CDC37: variants seen among roughly 807,000 people sequenced by gnomAD.
CDC37 encodes hsp90 co-chaperone Cdc37.
In CDC37, 9 loss-of-function variants were observed where a neutral mutation model predicts 46.9. That is an observed-to-expected ratio of 0.19 (90% CI 0.12 to 0.33). The LOEUF (loss-of-function observed/expected upper bound fraction) is 0.33, where lower values mean the gene tolerates loss of function less well. CDC37 is among the 10% of genes least tolerant of loss of function. The pLI is 1.00. For synonymous variants in CDC37, 193 were observed against 191.0 expected (o/e 1.01, Z -0.09); for missense variants, 388 against 514.6 (o/e 0.75, Z 2.38).
chr19:10,392,397 T>C (rs2042462198), intron 7 of CDC37, among the ~76,000 whole-genome samples: 1 of 152,148 alleles, frequency 6.6e-6, no homozygotes, highest in East Asian at 1.9e-4. Flanking sequence ...TAGAAGCTTC[T>C]AGAAACTCAG....
rs770538573 is a variant in CDC37 at position 10,395,331 on chromosome 19, C to T, written c.500G>A (p.Arg167His). 6.8e-6 allele frequency: 11 copies of T among 1,613,952 alleles called. No individual in the cohort carries two copies. The highest frequency in any genetic ancestry group is 5.0e-5 in the Admixed American group (3 of 60,002). Residue 167 changes from arginine to histidine, a missense_variant, in exon 4 of 8, where the codon CGC (arginine) becomes CAC (histidine). Transcript: ENST00000222005. The stretch of plus-strand genomic sequence containing the variant: ...CAGGTACTTTTGGCTGTCATCCCAG[C>T]GGCGAAGCATGCCTGTGGGAAGATG... ...KQIKHFGMLR[R>H]WDDSQKYLSD...
chr19:10,401,726 A>G (rs2042519582), intron 1 of CDC37, among the ~76,000 whole-genome samples: 1 of 152,162 alleles, frequency 6.6e-6, no homozygotes, highest in Non-Finnish European at 1.5e-5. Flanking sequence ...CTAATGCCGT[A>G]TTCCAGAGTA....
At position 10,393,238 on chromosome 19, in the gene CDC37, G is replaced by T. The variant is rs780706740; in HGVS notation, c.909+21C>A. The T allele has an allele frequency of 1.9e-6, 3 of 1,612,512 alleles. No homozygotes were observed. The Admixed American group carries it at 5.0e-5, about 27-fold the overall frequency. On this transcript the variant is annotated intron_variant, in intron 6 of 7. Coordinates refer to ENST00000222005, the MANE Select transcript of CDC37 (RefSeq NM_007065.4). This position sits in a 1 kb window ranked among gnomAD's most constrained non-coding sequence, Gnocchi z 4.9. ...CCCGCTCAGGGTCTTCCTGCTGCCCGCCTGGGCCGGGGAGCCCCACCTCAG... is the reference window on the plus strand; with the variant it reads ...CCCGCTCAGGGTCTTCCTGCTGCCCTCCTGGGCCGGGGAGCCCCACCTCAG...
At chr19:10,403,014 T>C (rs1224129525) in intron 1 of CDC37, among the ~76,000 whole-genome samples, 1 of 152,064 alleles carries the variant, frequency 6.6e-6, no homozygotes, top group Non-Finnish European at 1.5e-5. Context: ...TGAGGGATCA[T>C]CTAGAAGAAT....
In CDC37 at chr19:10,396,665, G is replaced by T. The variant is rs2042494067; in HGVS notation, c.103-462C>A. 2.0e-5 allele frequency among the ~76,000 whole-genome samples: 3 copies of T among 152,102 alleles called. No homozygotes were observed. The highest frequency in any genetic ancestry group is 2.0e-4 in the Admixed American group (3 of 15,262). On this transcript the variant is annotated intron_variant, in intron 1 of 7. Coordinates refer to ENST00000222005, the MANE Select transcript of CDC37 (RefSeq NM_007065.4). The surrounding 1 kb of genome is among the most constrained non-coding windows in gnomAD (Gnocchi z 5.9). ...ACATACTGCAGCCTCGACCTCCCTG[G>T]GCTCAGGCGATCCTCCCACCTCAGT...
intron 2 of CDC37, 44 bp downstream of exon 2, chr19:10,395,884 T>G (rs748411549): frequency 6.3e-7 from 1 of 1,594,726 alleles, no homozygotes. Context: ...TTGCAGGCTC[T>G]CTGGCTGCGC....
chr19:10,396,059 G>T lies in CDC37; in HGVS notation c.247C>A (p.Arg83Ser), dbSNP rs770724683. 1 of 1,613,804 alleles carries T rather than the reference G, an allele frequency of 6.2e-7. No individual in the cohort carries two copies. The highest frequency in any genetic ancestry group is 1.3e-5 in the African/African-American group (1 of 74,882). ...VAEGGKAELE[R>S]LQAEAQQLRK... ...AGCTGCTGTGCCTCGGCCTGCAGGC[G>T]CTCCAGCTCTGCCTTGCCGCCCTCG... Residue 83 changes from arginine to serine, a missense_variant, in exon 2 of 8, where the codon CGC (arginine) becomes AGC (serine). Around this residue, in one of 2 missense-constraint regions of CDC37, gnomAD observed 374 missense variants for 467.4 expected, o/e 0.80. Coordinates refer to ENST00000222005, the MANE Select transcript of CDC37 (RefSeq NM_007065.4). This position sits in a 1 kb window ranked among gnomAD's most constrained non-coding sequence, Gnocchi z 5.9.
Position 10,393,657 on chromosome 19 carries a change from G to A in CDC37, c.727-216C>T, listed in dbSNP as rs1599379798. On this transcript the variant is annotated intron_variant, in intron 5 of 7. Coordinates refer to ENST00000222005, the MANE Select transcript of CDC37 (RefSeq NM_007065.4). The surrounding 1 kb of genome is among the most constrained non-coding windows in gnomAD (Gnocchi z 4.9). ...ACCTGCTTGGGAGCCCTGCTCTACT[G>A]CAGATCTGAGACACTCATGTCCTCA... 1.5e-5 allele frequency: 8 copies of A among 550,958 alleles called. No individual in the cohort carries two copies. The East Asian group carries it at 2.1e-4, about 15-fold the overall frequency. The allele number at this position is 550,958 out of a possible 1,614,324, so 34.1% of individuals were successfully genotyped here. A position where few individuals can be genotyped will look rare whatever the true frequency, so the allele number is the denominator to read the frequency against.
chr19:10,399,364 G>A (rs1299327736), intron 1 of CDC37, among the ~76,000 whole-genome samples: 1 of 149,758 alleles, frequency 6.7e-6, no homozygotes, highest in Non-Finnish European at 1.5e-5. Flanking sequence ...AGCTACTCCA[G>A]AGGCTGAGGC....
Position 10,391,394 on chromosome 19 carries a change from G to T in CDC37, c.*157C>A. 1.2e-6 allele frequency: 1 copy of T among 806,726 alleles called. No individual in the cohort carries two copies. The highest frequency in any genetic ancestry group is 2.5e-5 in the East Asian group (1 of 40,684). 50.0% of individuals were successfully genotyped at this position (806,726 alleles called of 1,614,324 possible). ...ACTTGAATGGGCGCTGGAGAGTGGAGACAGTGGAGAGGCCAGGGAGGGCTG... is the reference window on the plus strand; with the variant it reads ...ACTTGAATGGGCGCTGGAGAGTGGATACAGTGGAGAGGCCAGGGAGGGCTG... On this transcript the variant is annotated 3_prime_UTR_variant, in exon 8 of 8. Transcript: ENST00000222005.
rs1326726092 is a variant in CDC37 at position 10,403,293 on chromosome 19, C to G, written c.102+85G>C. 4 of 1,016,346 alleles carry G rather than the reference C, an allele frequency of 3.9e-6. No individual in the cohort carries two copies. The East Asian group carries it at 1.0e-4, about 25-fold the overall frequency. 63.0% of individuals were successfully genotyped at this position (1,016,346 alleles called of 1,614,324 possible). On this transcript the variant is annotated intron_variant, in intron 1 of 7. Coordinates refer to ENST00000222005, the MANE Select transcript of CDC37 (RefSeq NM_007065.4). ...GGGGGGTGAGAATCCTAGGTGTGAACAGCGGGGTCCCTGGGCAGTATCGGG... is the reference window on the plus strand; with the variant it reads ...GGGGGGTGAGAATCCTAGGTGTGAAGAGCGGGGTCCCTGGGCAGTATCGGG...
At chr19:10,400,543 T>C (rs2145420739) in intron 1 of CDC37, 1 of 152,092 alleles carries the variant, frequency 6.6e-6, no homozygotes, top group East Asian at 1.9e-4. Context: ...TACCAAAAAG[T>C]ACAAAAATCA....
At position 10,395,298 on chromosome 19, in the gene CDC37, T is replaced by C. The variant is rs1025592298; in HGVS notation, c.533A>G (p.Asn178Ser). Residue 178 changes from asparagine to serine, a missense_variant, in exon 4 of 8, where the codon AAC becomes AGC. Transcript: ENST00000222005. ...WDDSQKYLSD[N>S]VHLVCEETAN... is the part of the protein sequence containing the mutation. The stretch of plus-strand genomic sequence containing the variant: ...TGTCTCCTCGCACACCAGGTGGACG[T>C]TGTCTGACAGGTACTTTTGGCTGTC... The C allele has an allele frequency of 6.2e-7, 1 of 1,614,222 alleles. No homozygotes were observed. The highest frequency in any genetic ancestry group is 1.7e-5 in the Admixed American group (1 of 60,026).
At chr19:10,401,506 A>C (rs1039368934) in intron 1 of CDC37, among the ~76,000 whole-genome samples, 2 of 152,216 alleles carry the variant, frequency 1.3e-5, no homozygotes, top group Non-Finnish European at 2.9e-5. Context: ...TAACCTCTTT[A>C]TGTGACAGAA....
In CDC37 at chr19:10,391,698, C is replaced by G; in HGVS notation, c.990G>C (p.Lys330Asn). The G allele has an allele frequency of 6.2e-7, 1 of 1,612,700 alleles. No homozygotes were observed. The highest frequency in any genetic ancestry group is 8.5e-7 in the Non-Finnish European group (1 of 1,179,420). Residue 330 changes from lysine (K) to asparagine (N), a missense_variant, in exon 8 of 8, where the codon AAG becomes AAC. Physicochemically the swap from Lys to Asn is moderately conservative, Grantham distance 94. Around this residue, in one of 2 missense-constraint regions of CDC37, gnomAD observed 374 missense variants for 467.4 expected, o/e 0.80. Transcript: ENST00000222005. ...AGTCAATGCAGCGCTGCATGTGGTA[C>G]TTTGCGTCCTGTGAGGAGAAGGCAG... ...AISKMDPTDA[K>N]YHMQRCIDSG... is the part of the protein sequence containing the mutation.
In CDC37 at chr19:10,393,432, G is replaced by A. The variant is rs1269283551; in HGVS notation, c.736C>T (p.Arg246Cys). Residue 246 changes from arginine (R) to cysteine (C), a missense_variant, in exon 6 of 8, where the codon CGC (arginine) becomes TGC (cysteine). Physicochemically the swap from Arg to Cys is radical, Grantham distance 180 (BLOSUM62 -3). Around this residue, in one of 2 missense-constraint regions of CDC37, gnomAD observed 374 missense variants for 467.4 expected, o/e 0.80. Transcript: ENST00000222005. The surrounding 1 kb of genome is among the most constrained non-coding windows in gnomAD (Gnocchi z 4.9). ...TCGTTGAAGCCCTCCATGTACTGGC[G>A]ATCGGCTGTCTATGGGGGTTGGGCA... ...QFFTKIKTADRQYMEGFNDEL... is the reference protein window; with the variant it reads ...QFFTKIKTADCQYMEGFNDEL... 5.6e-6 allele frequency: 9 copies of A among 1,611,810 alleles called. No homozygotes were observed. Among genetic ancestry groups the A allele is most frequent in the East Asian group, 2.2e-5 (1 of 44,878 alleles).
intron 7 of CDC37, chr19:10,392,852 T>C: frequency 1.7e-6 from 1 of 586,870 alleles, no homozygotes; most frequent in South Asian, 2.1e-5. Flanking sequence ...TCAGTCACAG[T>C]AACAGTGACA....
chr19:10,395,904 G>GGGGGCC, intron 2 of CDC37, 24 bp downstream of exon 2: 7 of 1,541,884 alleles, frequency 4.5e-6, no homozygotes, highest in South Asian at 1.1e-5. Flanking sequence ...CATGCGCACT[G>GGGGGCC]CCCGCCCCGC....
At chr19:10,399,921 G>T (rs1205461991) in intron 1 of CDC37, among the ~76,000 whole-genome samples, 1 of 84,358 alleles carries the variant, frequency 1.2e-5, no homozygotes, top group African/African-American at 4.4e-5. Context: ...AACAGAGTGA[G>T]ACTCCGTCTT....
Sources: allele counts gnomAD v4.1 joint callset (sites outside exome capture counted in the v4.1 genomes callset), GRCh38; gene constraint gnomAD v4.1.1; regional missense constraint gnomAD v4.1.1; non-coding constraint Gnocchi (gnomAD v3.1); transcripts MANE v1.5; gene names NCBI Gene and HGNC (gene_info 2026-07-23, HGNC 2026-07-21).